CCDC192: variants seen among roughly 807,000 people sequenced by gnomAD.
The protein encoded by CCDC192 is coiled-coil domain containing 192, also known as coiled-coil domain-containing protein 192.
At chr5:127,737,396 T>C (rs1420075396) in intron 2 of CCDC192, among the ~76,000 whole-genome samples, 4 of 152,172 alleles carry the variant, frequency 2.6e-5, no homozygotes, top group Non-Finnish European at 4.4e-5. Flanking sequence ...CTGAAAAAAA[T>C]GTATATTCTG....
intron 6 of CCDC192, among the ~76,000 whole-genome samples, chr5:127,933,028 G>A (rs1311412900): frequency 6.6e-6 from 1 of 152,180 alleles, no homozygotes; most frequent in African/African-American, 2.4e-5. Context: ...AATTGTGCAG[G>A]CAGAGGAAAT....
At chr5:127,937,990 A>T (rs999649300) in intron 6 of CCDC192, among the ~76,000 whole-genome samples, 1 of 152,050 alleles carries the variant, frequency 6.6e-6, no homozygotes, top group Non-Finnish European at 1.5e-5. Context: ...TGAGGTTCCA[A>T]TGCACCCCCC....
chr5:127,820,376 G>GAAA (rs1239687298), intron 5 of CCDC192, among the ~76,000 whole-genome samples: 1 of 152,218 alleles, frequency 6.6e-6, no homozygotes, highest in African/African-American at 2.4e-5. Flanking sequence ...GGGGTCAGGA[G>GAAA]TTCACGACCA....
At chr5:127,807,831 A>G (rs754413310) in intron 5 of CCDC192, among the ~76,000 whole-genome samples, 8 of 152,120 alleles carry the variant, frequency 5.3e-5, no homozygotes, top group Non-Finnish European at 8.8e-5. Context: ...ATTTTCAGAT[A>G]TGTAACTTAA....
At chr5:127,715,965 C>T (rs1426590171) in intron 2 of CCDC192, among the ~76,000 whole-genome samples, 6 of 152,084 alleles carry the variant, frequency 3.9e-5, no homozygotes. Context: ...ACATCCTTGT[C>T]TTGTGATTTT....
At chr5:127,909,010 T>C (rs975787397) in intron 6 of CCDC192, among the ~76,000 whole-genome samples, 2 of 152,196 alleles carry the variant, frequency 1.3e-5, no homozygotes, top group Admixed American at 1.3e-4. Flanking sequence ...TATCAAGAAC[T>C]CAAGCTTGGA....
At chr5:127,731,171 A>G (rs1193211262) in intron 2 of CCDC192, among the ~76,000 whole-genome samples, 1 of 152,204 alleles carries the variant, frequency 6.6e-6, no homozygotes, top group Non-Finnish European at 1.5e-5. Flanking sequence ...GCAAAATCTC[A>G]GGATACAAAA....
intron 1 of CCDC192, among the ~76,000 whole-genome samples, chr5:127,704,817 C>T (rs1347366460): frequency 2.0e-5 from 3 of 150,222 alleles, no homozygotes; most frequent in Non-Finnish European, 4.4e-5. Context: ...CCAGCCTGGG[C>T]GACAGAGCGA....
intron 5 of CCDC192, among the ~76,000 whole-genome samples, chr5:127,817,410 A>T (rs1418541792): frequency 6.6e-6 from 1 of 152,256 alleles, no homozygotes; most frequent in Admixed American, 6.5e-5. Context: ...GCAATTGATG[A>T]ATGGATAAAC....
chr5:127,814,948 G>GT (rs569860479), intron 5 of CCDC192, among the ~76,000 whole-genome samples: 44 of 151,982 alleles, frequency 2.9e-4, no homozygotes, highest in Middle Eastern at 3.4e-3. Context: ...TCTCTGATGG[G>GT]TTTTTTTTAT....
At chr5:127,927,937 CTTT>C (rs1271788889) in intron 6 of CCDC192, among the ~76,000 whole-genome samples, 3,530 of 117,536 alleles carry the variant, frequency 0.03, 67 homozygotes, top group African/African-American at 0.11. Context: ...TCTTATAGTT[CTTT>C]TTTTTTTTTT....
At chr5:127,874,515 C>T (rs1055231612) in intron 5 of CCDC192, among the ~76,000 whole-genome samples, 3 of 152,146 alleles carry the variant, frequency 2.0e-5, no homozygotes, top group Admixed American at 6.5e-5. Flanking sequence ...ATTGATTTTA[C>T]TGGTGTTACT....
intron 6 of CCDC192, among the ~76,000 whole-genome samples, chr5:127,889,878 T>TA (rs899799457): frequency 7.6e-6 from 1 of 131,508 alleles, no homozygotes. Context: ...AACAGTTTTA[T>TA]AAATTTTTTT....
chr5:127,757,835 G>A (rs1349301179), intron 3 of CCDC192, among the ~76,000 whole-genome samples: 1 of 150,186 alleles, frequency 6.7e-6, no homozygotes, highest in Non-Finnish European at 1.5e-5. Flanking sequence ...GTGTGTATGT[G>A]TGTGTGTGTG....
chr5:127,893,529 G>T lies in CCDC192; in HGVS notation c.535+17868G>T, dbSNP rs527374941. On this transcript the variant is annotated intron_variant, in intron 6 of 6. Transcript: ENST00000514853. ...CCAGTCCGTAGACCTCTTCCAAAAA[G>T]AGGGGAAGGGGAGGAGTTATTACAC... Among the ~76,000 whole-genome samples, 8 of 152,278 alleles carry T rather than the reference G, an allele frequency of 5.3e-5. No homozygotes were observed. The East Asian group carries it at 1.5e-3, about 29-fold the overall frequency.
intron 3 of CCDC192, among the ~76,000 whole-genome samples, chr5:127,758,049 A>T (rs1186461010): frequency 1.3e-5 from 2 of 152,042 alleles, no homozygotes; most frequent in Non-Finnish European, 2.9e-5. Flanking sequence ...GGAATGAAGC[A>T]GTGGAAGCTT....
intron 5 of CCDC192, among the ~76,000 whole-genome samples, chr5:127,821,000 C>A (rs189913538): frequency 2.0e-5 from 3 of 152,222 alleles, no homozygotes; most frequent in Admixed American, 2.0e-4. Context: ...ATTTTTTCCT[C>A]CCATCCCTAT....
chr5:127,932,328 C>A (rs1021279307), intron 6 of CCDC192, among the ~76,000 whole-genome samples: 21 of 151,956 alleles, frequency 1.4e-4, no homozygotes, highest in Non-Finnish European at 2.6e-4. Flanking sequence ...CCTCAGCCTC[C>A]CAACTAGCTG....
At chr5:127,906,559 G>T (rs1410072207) in intron 6 of CCDC192, among the ~76,000 whole-genome samples, 2 of 152,120 alleles carry the variant, frequency 1.3e-5, no homozygotes, top group Non-Finnish European at 2.9e-5. Flanking sequence ...GCTGAGGGGG[G>T]TGGATCACTT....
Sources: gnomAD v4.1 joint callset for allele counts (sites outside exome capture counted in the v4.1 genomes callset) on GRCh38, gnomAD v4.1.1 for gene constraint, MANE v1.5 for transcripts, NCBI Gene and HGNC (gene_info 2026-07-23, HGNC 2026-07-21) for gene names.